The following PRMT9 variants were observed in gnomAD, a reference collection of about 807,000 sequenced individuals.
PRMT9 encodes the protein protein arginine methyltransferase 9.
PRMT9 carries 59 observed loss-of-function variants against 83.2 expected under a neutral mutation model. The ratio of observed to expected loss-of-function variants is 0.71; its 90% CI spans 0.57 to 0.88. PRMT9 has a LOEUF of 0.88. Ranked by LOEUF, PRMT9 falls within the 40% of genes least tolerant of loss-of-function variation. The pLI is 0.00. For missense variants in PRMT9, 947 were observed against 1,021.9 expected (o/e 0.93, Z 1.00); for synonymous variants, 333 against 353.2 (o/e 0.94, Z 0.64).
At chr4:147,650,058 C>A (rs1053052568) in intron 9 of PRMT9, among the ~76,000 whole-genome samples, 1 of 152,206 alleles carries the variant, frequency 6.6e-6, no homozygotes, top group Non-Finnish European at 1.5e-5. Flanking sequence ...GAAAAGCCCA[C>A]AACTATCATG....
At chr4:147,674,465 T>C (rs547634255) in intron 2 of PRMT9, among the ~76,000 whole-genome samples, 1 of 152,302 alleles carries the variant, frequency 6.6e-6, no homozygotes, top group South Asian at 2.1e-4. Flanking sequence ...TTAAGTACTA[T>C]TTAATTATAT....
At chr4:147,653,766 T>A in intron 9 of PRMT9, 86 bp downstream of exon 9, 3 of 905,932 alleles carry the variant, frequency 3.3e-6, no homozygotes, top group Admixed American at 2.2e-5. Context: ...ATTTTTACAG[T>A]TAAGCGATTA....
At position 147,651,000 on chromosome 4, in the gene PRMT9, G is replaced by T. The variant is rs1734062997; in HGVS notation, c.2045+2852C>A. ...GCCTGTAGTCCCAGCTACTCGGGAG[G>T]CTGAGGCAGGAGAATCCCCTTGAAC... On this transcript the variant is annotated intron_variant, in intron 9 of 11. Transcript: ENST00000322396. Among the ~76,000 whole-genome samples, 3 of 152,090 alleles carry T rather than the reference G, an allele frequency of 2.0e-5. No individual in the cohort carries two copies. The South Asian group carries it at 6.2e-4, about 32-fold the overall frequency.
intron 2 of PRMT9, among the ~76,000 whole-genome samples, chr4:147,679,403 G>C (rs1172130791): frequency 6.6e-6 from 1 of 151,752 alleles, no homozygotes; most frequent in Non-Finnish European, 1.5e-5. Flanking sequence ...CCATGATGGT[G>C]CTACTGCACT....
At chr4:147,678,113 T>A (rs1319075853) in intron 2 of PRMT9, among the ~76,000 whole-genome samples, 2 of 152,168 alleles carry the variant, frequency 1.3e-5, no homozygotes, top group Non-Finnish European at 2.9e-5. Flanking sequence ...AAGGGCCCCA[T>A]GGGCACCAGA....
chr4:147,672,876 G>T, intron 4 of PRMT9, 83 bp downstream of exon 4: 1 of 1,145,132 alleles, frequency 8.7e-7, no homozygotes, highest in Non-Finnish European at 1.3e-6. Flanking sequence ...GTAGCATTTT[G>T]TTTGGACTAA....
At chr4:147,672,479 C>T (rs1735800654) in intron 4 of PRMT9, among the ~76,000 whole-genome samples, 3 of 152,182 alleles carry the variant, frequency 2.0e-5, no homozygotes. Context: ...ACTAAAAAGC[C>T]AAGACTTATA....
chr4:147,661,881 G>C (rs542239708), intron 6 of PRMT9, among the ~76,000 whole-genome samples: 37 of 150,950 alleles, frequency 2.5e-4, no homozygotes, highest in Non-Finnish European at 4.9e-4. Flanking sequence ...GTATGGTAAG[G>C]ATACAGTCTC....
chr4:147,660,997 T>A lies in PRMT9; in HGVS notation c.995A>T (p.Asn332Ile), dbSNP rs547796015. The change falls in exon 7 of 12, where the codon AAT becomes ATT. Residue 332 changes from asparagine (N) to isoleucine (I), a missense_variant. Transcript: ENST00000322396. ...ATAAGCCGGACTCTGAAATTTCACA[T>A]TTGTTGGCAAATGGATACCAGCAAT... ...KDIAGIHLPT[N>I]VKFQSPAYSS... The A allele has an allele frequency of 1.3e-5, 21 of 1,613,368 alleles. No homozygotes were observed. The African/African-American group carries it at 2.5e-4, about 19-fold the overall frequency.
rs774605761 is a variant in PRMT9 at position 147,657,785 on chromosome 4, G to C, written c.1330+7C>G. ...AGAGGTTAAAAAAAAAAATGGACAA[G>C]ACCTACCTGCAAGGTCCTGTACGGG... On this transcript the variant is annotated splice_region_variant and intron_variant, in intron 8 of 11. Transcript: ENST00000322396. 6.2e-7 allele frequency: 1 copy of C among 1,606,170 alleles called. No homozygotes were observed. The highest frequency in any genetic ancestry group is 1.1e-5 in the South Asian group (1 of 90,778).
intron 10 of PRMT9, among the ~76,000 whole-genome samples, chr4:147,640,634 A>G (rs1733333516): frequency 6.6e-6 from 1 of 152,138 alleles, no homozygotes. Context: ...CCCCATTATC[A>G]GTATGGAAAC....
rs1736698713 is a variant in PRMT9 at position 147,684,062 on chromosome 4, TC to T, written c.-76del. ...TAGAAAACTCTCTCGATGCTACACT[TC>T]CAGGGACCAGACAACTGCTCAAAAA... On this transcript the variant is annotated 5_prime_UTR_variant, in exon 1 of 12. Coordinates refer to ENST00000322396, the MANE Select transcript of PRMT9 (RefSeq NM_138364.4). 15 of 1,467,382 alleles carry T rather than the reference TC, an allele frequency of 1.0e-5. No individual in the cohort carries two copies. The highest frequency in any genetic ancestry group is 1.3e-5 in the Non-Finnish European group (14 of 1,071,250). The allele number at this position is 1,467,382 out of a possible 1,614,324, so 90.9% of individuals were successfully genotyped here.
intron 2 of PRMT9, among the ~76,000 whole-genome samples, chr4:147,676,064 T>G (rs1267196528): frequency 7.2e-5 from 11 of 152,198 alleles, no homozygotes; most frequent in Admixed American, 7.2e-4. Flanking sequence ...AAAGCCACAT[T>G]CACACTATCC....
Position 147,649,999 on chromosome 4 carries a change from C to A in PRMT9, c.2045+3853G>T, listed in dbSNP as rs553584622. Reference sequence around the variant, plus strand: ...ACACTTTCATTATAAAAGCATTCAACAAACTAGGAATAGAAGGAAACTACC... The same window carrying A: ...ACACTTTCATTATAAAAGCATTCAAAAAACTAGGAATAGAAGGAAACTACC... On this transcript the variant is annotated intron_variant, in intron 9 of 11. Coordinates refer to ENST00000322396, the MANE Select transcript of PRMT9 (RefSeq NM_138364.4). Among the ~76,000 whole-genome samples the A allele has an allele frequency of 1.1e-3, 174 of 152,256 alleles. 1 individual carries two copies. Among genetic ancestry groups the A allele is most frequent in the African/African-American group, 4.0e-3 (165 of 41,554 alleles).
chr4:147,677,260 CTAACTA>C (rs1375108042), intron 2 of PRMT9, among the ~76,000 whole-genome samples: 2 of 151,596 alleles, frequency 1.3e-5, no homozygotes, highest in African/African-American at 4.8e-5. Flanking sequence ...CCAGTTTTTC[CTAACTA>C]TAAAGTTTCT....
chr4:147,658,107 C>A (rs1734664903), intron 7 of PRMT9, 132 bp from the exon 8 acceptor site: 2 of 656,984 alleles, frequency 3.0e-6, no homozygotes, highest in Admixed American at 4.8e-5. Flanking sequence ...TCTTGGCACA[C>A]CTATAACCAT....
rs1313170703 is a variant in PRMT9 at position 147,660,907 on chromosome 4, C to T, written c.1085G>A (p.Gly362Glu). 1 of 1,613,800 alleles carries T rather than the reference C, an allele frequency of 6.2e-7. No individual in the cohort carries two copies. ...YTTEKMSRVP[G>E]GYLALTECFE... is the part of the protein sequence containing the mutation. ...GCACTCTGTCAAAGCCAAATATCCT[C>T]CAGGAACTCGACTCATCTTTTCAGT... Residue 362 changes from glycine (G) to glutamate (E), a missense_variant, in exon 7 of 12, where the codon GGA becomes GAA. Gly to Glu is a moderately conservative substitution (Grantham distance 98). Transcript: ENST00000322396.
intron 10 of PRMT9, 74 bp from the exon 11 acceptor site, chr4:147,639,156 A>G (rs1733215208): frequency 6.7e-7 from 1 of 1,500,654 alleles, no homozygotes; most frequent in South Asian, 1.1e-5. Context: ...ACTTTTACAC[A>G]TTCCTTTTGT....
At chr4:147,668,398 T>G in intron 6 of PRMT9, 141 bp downstream of exon 6, 1 of 667,470 alleles carries the variant, frequency 1.5e-6, no homozygotes, top group Non-Finnish European at 2.7e-6. Flanking sequence ...ACGTGCCTGC[T>G]TCCCCTTCTG....
Sources: gnomAD v4.1 joint callset for allele counts (sites outside exome capture counted in the v4.1 genomes callset) on GRCh38, gnomAD v4.1.1 for gene constraint, MANE v1.5 for transcripts, NCBI Gene and HGNC (gene_info 2026-07-23, HGNC 2026-07-21) for gene names.